Variants in IGFBP7 observed in about 807,000 individuals in gnomAD.
The protein encoded by IGFBP7 is insulin-like growth factor-binding protein 7.
Under a neutral mutation model 29.4 loss-of-function variants are expected in IGFBP7, and 31 were observed. That is an observed-to-expected ratio of 1.05 (90% CI 0.79 to 1.42). The LOEUF (loss-of-function observed/expected upper bound fraction) is 1.42, where lower values mean the gene tolerates loss of function less well. Ranked by LOEUF, IGFBP7 falls within the 40% of genes most tolerant of loss-of-function variation. IGFBP7 has a pLI of 0.00. For missense variants in IGFBP7, 393 were observed against 395.5 expected (o/e 0.99, Z 0.05); for synonymous variants, 172 against 174.9 (o/e 0.98, Z 0.13).
At chr4:57,039,610 G>A (rs1282818863) in intron 2 of IGFBP7, among the ~76,000 whole-genome samples, 2 of 150,454 alleles carry the variant, frequency 1.3e-5, no homozygotes, top group African/African-American at 4.9e-5. Flanking sequence ...GACTTGCAGA[G>A]AACTCAGCCA....
chr4:57,088,381 T>A (rs1249996286), intron 1 of IGFBP7, among the ~76,000 whole-genome samples: 1 of 152,156 alleles, frequency 6.6e-6, no homozygotes, highest in East Asian at 1.9e-4. Context: ...TGTAAGTATA[T>A]AAAAATATTG....
At chr4:57,084,124 G>A (rs4865178) in intron 1 of IGFBP7, among the ~76,000 whole-genome samples, 23,329 of 152,118 alleles carry the variant, frequency 0.15, 1,872 homozygotes, top group African/African-American at 0.17. Flanking sequence ...AATAAAGACT[G>A]GATAATGCTT....
intron 1 of IGFBP7, among the ~76,000 whole-genome samples, chr4:57,048,341 A>T (rs1277301): frequency 1.3e-5 from 2 of 152,134 alleles, no homozygotes; most frequent in Non-Finnish European, 2.9e-5. Context: ...GAGCAACAGC[A>T]CCCGGCCTCC....
At chr4:57,044,004 G>A (rs1246805333) in intron 1 of IGFBP7, among the ~76,000 whole-genome samples, 2 of 152,218 alleles carry the variant, frequency 1.3e-5, no homozygotes, top group African/African-American at 2.4e-5. Flanking sequence ...CTTGGCAGGA[G>A]GACTTCAAAG....
At chr4:57,079,692 A>G (rs556558337) in intron 1 of IGFBP7, among the ~76,000 whole-genome samples, 1 of 152,340 alleles carries the variant, frequency 6.6e-6, no homozygotes, top group Admixed American at 6.5e-5. Context: ...AAAATCTAGT[A>G]AGTCAAATTC....
chr4:57,075,057 G>C (rs1725188106), intron 1 of IGFBP7, among the ~76,000 whole-genome samples: 1 of 152,182 alleles, frequency 6.6e-6, no homozygotes, highest in Admixed American at 6.5e-5. Flanking sequence ...CTATTACTCA[G>C]AGCCTTCTCT....
chr4:57,047,985 C>T (rs550685270), intron 1 of IGFBP7, among the ~76,000 whole-genome samples: 14 of 152,244 alleles, frequency 9.2e-5, no homozygotes, highest in East Asian at 7.7e-4. Flanking sequence ...CTGCCTGCCT[C>T]GGCCTCTCAA....
At chr4:57,073,557 G>C (rs371173442) in intron 1 of IGFBP7, among the ~76,000 whole-genome samples, 15 of 151,264 alleles carry the variant, frequency 9.9e-5, no homozygotes, top group African/African-American at 3.6e-4. Flanking sequence ...ATTCCTGCCA[G>C]TGCACTCCAG....
intron 1 of IGFBP7, among the ~76,000 whole-genome samples, chr4:57,092,942 T>G (rs1361460051): frequency 6.6e-6 from 1 of 151,942 alleles, no homozygotes; most frequent in Non-Finnish European, 1.5e-5. Context: ...ATTCACCTAC[T>G]TGCTAAATGA....
chr4:57,089,603 T>A (rs1232979904), intron 1 of IGFBP7, among the ~76,000 whole-genome samples: 1 of 152,222 alleles, frequency 6.6e-6, no homozygotes, highest in South Asian at 2.1e-4. Flanking sequence ...AAGCTTCTAG[T>A]CACCCTTTGA....
chr4:57,105,807 A>C (rs1243987639), intron 1 of IGFBP7, among the ~76,000 whole-genome samples: 4 of 152,246 alleles, frequency 2.6e-5, no homozygotes, highest in Non-Finnish European at 4.4e-5. Context: ...TAGCTCTAGA[A>C]GAACAAATAC....
At chr4:57,035,403 A>G (rs1724058222) in intron 2 of IGFBP7, among the ~76,000 whole-genome samples, 1 of 152,216 alleles carries the variant, frequency 6.6e-6, no homozygotes, top group Non-Finnish European at 1.5e-5. Flanking sequence ...AAATTTTTAT[A>G]TGTCAAACTC....
Position 57,033,290 on chromosome 4 carries a change from C to A in IGFBP7, c.607G>T (p.Val203Phe). 6.2e-7 allele frequency: 1 copy of A among 1,613,818 alleles called. No individual in the cohort carries two copies. The highest frequency in any genetic ancestry group is 8.5e-7 in the Non-Finnish European group (1 of 1,179,688). ...WNKVKRGHYG[V>F]QRTELLPGDR... is the part of the protein sequence containing the mutation. ...CCAGGCAGGAGTTCTGTCCTTTGAA[C>A]TCCATAGTGACCCCTTTTTACCTGC... The change falls in exon 3 of 5, where the codon GTT (valine) becomes TTT (phenylalanine). Residue 203 changes from valine (V) to phenylalanine (F), a missense_variant. Transcript: ENST00000295666.
intron 1 of IGFBP7, among the ~76,000 whole-genome samples, chr4:57,055,644 G>A (rs897968629): frequency 2.2e-5 from 1 of 45,068 alleles, no homozygotes; most frequent in Non-Finnish European, 5.6e-5. Flanking sequence ...CAGGGTCATC[G>A]CGGTTCTCCT....
intron 1 of IGFBP7, among the ~76,000 whole-genome samples, chr4:57,078,505 G>A (rs918481358): frequency 6.6e-6 from 1 of 151,874 alleles, no homozygotes; most frequent in Admixed American, 6.6e-5. Context: ...AAGAAAAATG[G>A]TAAAAGATCC....
At chr4:57,078,209 A>T (rs1164671773) in intron 1 of IGFBP7, among the ~76,000 whole-genome samples, 3 of 152,122 alleles carry the variant, frequency 2.0e-5, no homozygotes, top group African/African-American at 7.2e-5. Context: ...ATGTGTAAAT[A>T]ATTTAACCCT....
chr4:57,070,891 G>GT (rs141703018), intron 1 of IGFBP7, among the ~76,000 whole-genome samples: 2 of 152,302 alleles, frequency 1.3e-5, no homozygotes, highest in Non-Finnish European at 2.9e-5. Flanking sequence ...GTTGAATGCT[G>GT]TAACACACAC....
chr4:57,058,208 G>A (rs182230712), intron 1 of IGFBP7, among the ~76,000 whole-genome samples: 7 of 152,298 alleles, frequency 4.6e-5, no homozygotes, highest in African/African-American at 1.4e-4. Context: ...GGCTTGTAAT[G>A]TGCTCAGAAG....
intron 1 of IGFBP7, among the ~76,000 whole-genome samples, chr4:57,089,640 A>G (rs1023162614): frequency 1.3e-5 from 2 of 152,208 alleles, no homozygotes; most frequent in African/African-American, 4.8e-5. Context: ...TGTGTCTGAA[A>G]TGAAAAGCTA....
Sources: gnomAD v4.1 joint callset for allele counts (sites outside exome capture counted in the v4.1 genomes callset) on GRCh38, gnomAD v4.1.1 for gene constraint, MANE v1.5 for transcripts, NCBI Gene and HGNC (gene_info 2026-07-23, HGNC 2026-07-21) for gene names.